The following NLRP14 variants were observed in gnomAD, a reference collection of about 807,000 sequenced individuals.
NLRP14 encodes NLR family pyrin domain containing 14, also known as NACHT, LRR and PYD domains-containing protein 14.
NLRP14 carries 105 observed loss-of-function variants against 94.7 expected under a neutral mutation model. The ratio of observed to expected loss-of-function variants is 1.11; its 90% CI spans 0.95 to 1.30. The LOEUF (loss-of-function observed/expected upper bound fraction) is 1.30, where lower values mean the gene tolerates loss of function less well. NLRP14 is among the 50% of genes most tolerant of loss of function. The pLI is 0.00. For missense variants in NLRP14, 1,362 were observed against 1,254.1 expected (o/e 1.09, Z -1.30); for synonymous variants, 508 against 459.9 (o/e 1.10, Z -1.34).
At chr11:7,080,881 C>A in the NLRP14 span, among the ~76,000 whole-genome samples, 1 of 152,118 alleles carries the variant, frequency 6.6e-6, no homozygotes, top group East Asian at 1.9e-4. Context: ...CTCTTACAGA[C>A]TAAAAGTATA....
At chr11:7,080,832 T>C in the NLRP14 span, among the ~76,000 whole-genome samples, 3 of 152,234 alleles carry the variant, frequency 2.0e-5, no homozygotes, top group African/African-American at 7.2e-5. Flanking sequence ...AGTTAAAACA[T>C]GAGAGGTGCT....
rs148961644 is a variant in NLRP14, at chr11:7,043,332, T to C, written c.1306T>C (p.Trp436Arg). The C allele has an allele frequency of 6.2e-7, 1 of 1,614,220 alleles. No homozygotes were observed. Among genetic ancestry groups the C allele is most frequent in the African/African-American group, 1.3e-5 (1 of 75,052 alleles). ...GTGCCAAGTCGCTGCCAAAGGAATA[T>C]GGACTATGACTTACGTGTTTTACAG... is the stretch of plus-strand genomic sequence containing the variant. Reference protein sequence around the residue: ...RLCQVAAKGIWTMTYVFYREN... With the variant: ...RLCQVAAKGIRTMTYVFYREN... The change falls in exon 4 of 12, where the codon TGG (tryptophan) becomes CGG (arginine). Residue 436 changes from tryptophan (W) to arginine (R), a missense_variant. Coordinates refer to ENST00000299481, the MANE Select transcript of NLRP14 (RefSeq NM_176822.4).
At chr11:7,088,880 T>C in the NLRP14 span, 1 of 557,352 alleles carries the variant, frequency 1.8e-6, no homozygotes, top group Admixed American at 3.1e-5. Context: ...AGTTAAAGAC[T>C]GAAAAGGAGA....
chr11:7,084,088 A>T, the NLRP14 span, among the ~76,000 whole-genome samples: 8 of 152,214 alleles, frequency 5.3e-5, no homozygotes, highest in Non-Finnish European at 7.4e-5. Context: ...GTGGCCTTCC[A>T]AATAGGATGC....
chr11:7,072,751 T>G (rs1006045751), downstream of NLRP14, among the ~76,000 whole-genome samples: 4 of 152,182 alleles, frequency 2.6e-5, no homozygotes, highest in Admixed American at 1.3e-4. Context: ...CTTGCTCCCC[T>G]TTGCACACAG....
intron 11 of NLRP14, among the ~76,000 whole-genome samples, 174 bp downstream of exon 11, chr11:7,070,630 A>G (rs1468446941): frequency 2.0e-5 from 3 of 152,170 alleles, no homozygotes. Flanking sequence ...AATATAGCAT[A>G]GTGGTTAAAT....
intron 10 of NLRP14, among the ~76,000 whole-genome samples, chr11:7,064,909 C>T (rs991654879): frequency 1.1e-4 from 17 of 151,700 alleles, no homozygotes; most frequent in African/African-American, 3.6e-4. Context: ...TTCATTGGTG[C>T]GTGGATCTGT....
chr11:7,076,857 A>C, the NLRP14 span, among the ~76,000 whole-genome samples: 1 of 152,198 alleles, frequency 6.6e-6, no homozygotes, highest in African/African-American at 2.4e-5. Flanking sequence ...ATGATTCAAG[A>C]GTGAATGAAT....
Position 7,058,338 on chromosome 11 carries a change from A to G in NLRP14, c.2521A>G (p.Ser841Gly), listed in dbSNP as rs759431901. 7 of 1,612,730 alleles carry G rather than the reference A, an allele frequency of 4.3e-6. No homozygotes were observed. Among genetic ancestry groups the G allele is most frequent in the Non-Finnish European group, 3.4e-6 (4 of 1,178,984 alleles). ...GCEYLSLALI[S>G]NKRLTHLCLA... ...TGAGTATCTTTCTTTGGCTCTCATC[A>G]GCAATAAAAGACTGACACATTTGTG... Residue 841 changes from serine to glycine, a missense_variant, in exon 8 of 12, where the codon AGC becomes GGC. Ser to Gly is a moderately conservative substitution (Grantham distance 56). Coordinates refer to ENST00000299481, the MANE Select transcript of NLRP14 (RefSeq NM_176822.4).
At chr11:7,080,945 G>A in the NLRP14 span, among the ~76,000 whole-genome samples, 3 of 152,112 alleles carry the variant, frequency 2.0e-5, no homozygotes, top group Non-Finnish European at 4.4e-5. Flanking sequence ...TTATGTGTGT[G>A]GGGAGAAGTT....
At position 7,039,761 on chromosome 11, in the gene NLRP14, C is replaced by G. The variant is rs370570427; in HGVS notation, c.337C>G (p.Gln113Glu). The change falls in exon 3 of 12, where the codon CAA (glutamine) becomes GAA (glutamate). Residue 113 changes from glutamine to glutamate, a missense_variant. Coordinates refer to ENST00000299481, the MANE Select transcript of NLRP14 (RefSeq NM_176822.4). ...AGATGATGCCAAGGCTGGAGAGACA[C>G]AAGAAGATCAGGAGGCAGTGCTGGG... ...GPDDAKAGET[Q>E]EDQEAVLGDG... 46 of 1,613,848 alleles carry G rather than the reference C, an allele frequency of 2.9e-5. No homozygotes were observed. In the African/African-American group the frequency reaches 4.7e-4, roughly 16 times the overall value.
chr11:7,043,213 C>T lies in NLRP14; in HGVS notation c.1187C>T (p.Thr396Ile). Residue 396 changes from threonine (T) to isoleucine (I), a missense_variant, in exon 4 of 12, where the codon ACC becomes ATC. Physicochemically the swap from Thr to Ile is moderately conservative, Grantham distance 89 (BLOSUM62 -1). Coordinates refer to ENST00000299481, the MANE Select transcript of NLRP14 (RefSeq NM_176822.4). Reference protein sequence around the residue: ...GGDVTLTCQTTTALFTCYISS... With the variant: ...GGDVTLTCQTITALFTCYISS... ...GATGTCACATTGACCTGCCAAACAA[C>T]CACAGCTCTGTTTACCTGCTATATT... 2 of 1,614,170 alleles carry T rather than the reference C, an allele frequency of 1.2e-6. No homozygotes were observed. The highest frequency in any genetic ancestry group is 2.7e-5 in the African/African-American group (2 of 75,066).
At chr11:7,067,690 G>A (rs1852725532) in intron 10 of NLRP14, among the ~76,000 whole-genome samples, 1 of 152,072 alleles carries the variant, frequency 6.6e-6, no homozygotes, top group Admixed American at 6.6e-5. Context: ...TGTACATTGT[G>A]TAATTTACTT....
chr11:7,063,398 G>C (rs116239997), intron 10 of NLRP14, among the ~76,000 whole-genome samples: 1,534 of 152,146 alleles, frequency 0.01, 29 homozygotes, highest in African/African-American at 0.035. Context: ...GGGTCCAGAT[G>C]GATGCCTGCA....
At chr11:7,079,473 AAC>A in the NLRP14 span, among the ~76,000 whole-genome samples, 2 of 152,242 alleles carry the variant, frequency 1.3e-5, no homozygotes, top group African/African-American at 2.4e-5. Context: ...ACAGTGTATA[AAC>A]ACATATTCAT....
chr11:7,026,289 G>T (rs974813315), intron 1 of NLRP14, among the ~76,000 whole-genome samples: 7 of 152,114 alleles, frequency 4.6e-5, no homozygotes, highest in African/African-American at 1.7e-4. Context: ...AATCTACAAT[G>T]AACTCAAACA....
chr11:7,060,089 T>A, intron 9 of NLRP14, 25 bp downstream of exon 9: 3 of 1,604,060 alleles, frequency 1.9e-6, no homozygotes, highest in East Asian at 4.5e-5. Context: ...GCTTTACTTT[T>A]GTGTAGTTTC....
chr11:7,080,647 A>G, the NLRP14 span, among the ~76,000 whole-genome samples: 22 of 152,362 alleles, frequency 1.4e-4, no homozygotes, highest in Admixed American at 7.8e-4. Flanking sequence ...AAGTCAGTCA[A>G]TATGACATAT....
chr11:7,039,649 C>T, intron 2 of NLRP14, 65 bp from the exon 3 acceptor site: 3 of 1,279,584 alleles, frequency 2.3e-6, no homozygotes, highest in Non-Finnish European at 3.4e-6. Flanking sequence ...GGCCTCTGTT[C>T]TAGCCATCAT....
Sources: allele counts gnomAD v4.1 joint callset (sites outside exome capture counted in the v4.1 genomes callset), GRCh38; gene constraint gnomAD v4.1.1; transcripts MANE v1.5; gene names NCBI Gene and HGNC (gene_info 2026-07-23, HGNC 2026-07-21).